Variants in FER observed in about 807,000 individuals in gnomAD.
The protein encoded by FER is FER tyrosine kinase.
FER carries 63 observed loss-of-function variants against 111.0 expected under a neutral mutation model. The observed-to-expected ratio is 0.57, with a 90% confidence interval of 0.46 to 0.70. FER has a LOEUF of 0.70. FER is among the 30% of genes least tolerant of loss of function. FER has a pLI of 0.00. For missense variants in FER, 914 were observed against 954.0 expected (o/e 0.96, Z 0.55); for synonymous variants, 327 against 313.9 (o/e 1.04, Z -0.44).
At chr5:108,788,209 C>G (rs556460381) in intron 2 of FER, among the ~76,000 whole-genome samples, 14 of 152,306 alleles carry the variant, frequency 9.2e-5, no homozygotes, top group African/African-American at 3.4e-4. Context: ...TGTTGTATGT[C>G]TGGTCCAACT....
At chr5:108,963,840 A>T (rs951695243) in intron 13 of FER, among the ~76,000 whole-genome samples, 2 of 152,210 alleles carry the variant, frequency 1.3e-5, no homozygotes, top group Non-Finnish European at 2.9e-5. Context: ...CTGCACTTTA[A>T]GCGCTGTTTA....
At chr5:108,946,302 ATGTG>A (rs111943459) in intron 11 of FER, 80 bp downstream of exon 11, 4 of 859,008 alleles carry the variant, frequency 4.7e-6, no homozygotes, top group Middle Eastern at 2.3e-4. Flanking sequence ...ATATATATAT[ATGTG>A]TGTGTGTGTG....
chr5:109,001,507 A>G (rs574575968), intron 13 of FER, among the ~76,000 whole-genome samples: 44 of 152,322 alleles, frequency 2.9e-4, no homozygotes, highest in African/African-American at 1.0e-3. Context: ...GCTATCTATG[A>G]CAAACCCACT....
intron 17 of FER, among the ~76,000 whole-genome samples, chr5:109,177,334 G>A (rs1757809377): frequency 6.6e-6 from 1 of 151,732 alleles, no homozygotes; most frequent in Non-Finnish European, 1.5e-5. Context: ...GAAACTCCAG[G>A]GCCTTAAAGA....
chr5:109,040,229 T>G (rs781737527), intron 14 of FER, among the ~76,000 whole-genome samples: 1 of 152,084 alleles, frequency 6.6e-6, no homozygotes, highest in Non-Finnish European at 1.5e-5. Context: ...AAAGTACAAA[T>G]CTGGTAGTTG....
chr5:109,004,626 A>G (rs1459767827), intron 13 of FER, among the ~76,000 whole-genome samples: 3 of 152,178 alleles, frequency 2.0e-5, no homozygotes, highest in African/African-American at 7.2e-5. Flanking sequence ...ATGACCACAA[A>G]TTTACCATAT....
At chr5:108,808,582 G>A (rs1757432987) in intron 3 of FER, among the ~76,000 whole-genome samples, 5 of 151,952 alleles carry the variant, frequency 3.3e-5, no homozygotes. Flanking sequence ...GGAGTAGTTA[G>A]ACAGTTTACA....
At chr5:108,770,962 A>C (rs1383672272) in intron 2 of FER, among the ~76,000 whole-genome samples, 1 of 150,784 alleles carries the variant, frequency 6.6e-6, no homozygotes, top group African/African-American at 2.4e-5. Flanking sequence ...TTTGAGATGG[A>C]GTCTCACTCT....
chr5:108,937,791 C>T (rs530828203), intron 10 of FER, among the ~76,000 whole-genome samples: 1 of 151,838 alleles, frequency 6.6e-6, no homozygotes, highest in African/African-American at 2.4e-5. Context: ...AGACCATCTG[C>T]TTTGGTGTAG....
At chr5:109,126,865 A>G (rs1212731546) in intron 17 of FER, among the ~76,000 whole-genome samples, 1 of 152,206 alleles carries the variant, frequency 6.6e-6, no homozygotes, top group Non-Finnish European at 1.5e-5. Flanking sequence ...GAAGTATAGG[A>G]AGTCAGGAAA....
intron 3 of FER, among the ~76,000 whole-genome samples, chr5:108,812,688 CTA>C (rs1238054182): frequency 3.9e-5 from 6 of 152,006 alleles, no homozygotes; most frequent in African/African-American, 2.4e-5. Context: ...TAAAATGTGA[CTA>C]TTTTTATCTC....
intron 13 of FER, among the ~76,000 whole-genome samples, chr5:108,962,412 A>G (rs1759265470): frequency 6.6e-6 from 1 of 152,218 alleles, no homozygotes; most frequent in South Asian, 2.1e-4. Flanking sequence ...GTATAAAATA[A>G]CACATCAAGC....
chr5:109,105,643 T>C (rs1209145409), intron 17 of FER, among the ~76,000 whole-genome samples: 1 of 152,198 alleles, frequency 6.6e-6, no homozygotes, highest in Non-Finnish European at 1.5e-5. Context: ...CCTAAACAAT[T>C]AGTGGCTGGG....
chr5:108,949,509 C>T (rs1757443721), intron 11 of FER, among the ~76,000 whole-genome samples: 1 of 151,978 alleles, frequency 6.6e-6, no homozygotes, highest in Non-Finnish European at 1.5e-5. Context: ...TGCAGTATTA[C>T]ATGTAATTTT....
chr5:108,856,084 A>C (rs1328903766), intron 5 of FER, among the ~76,000 whole-genome samples: 3 of 152,142 alleles, frequency 2.0e-5, no homozygotes, highest in African/African-American at 7.2e-5. Context: ...GTGAGAGAGG[A>C]TACATCTAGT....
chr5:108,977,912 C>G (rs1262995142), intron 13 of FER, among the ~76,000 whole-genome samples: 1 of 152,158 alleles, frequency 6.6e-6, no homozygotes, highest in Admixed American at 6.5e-5. Context: ...GTGGTACGAT[C>G]TTGGCTCACT....
intron 11 of FER, among the ~76,000 whole-genome samples, chr5:108,946,570 A>C (rs1038174261): frequency 6.6e-6 from 1 of 152,010 alleles, no homozygotes; most frequent in Non-Finnish European, 1.5e-5. Context: ...CTAGTGAAAC[A>C]TAACCTTTTT....
intron 9 of FER, among the ~76,000 whole-genome samples, chr5:108,890,942 T>A (rs1747948343): frequency 6.6e-6 from 1 of 152,094 alleles, no homozygotes; most frequent in South Asian, 2.1e-4. Flanking sequence ...GTATGGTAAT[T>A]GTATGTTTAG....
At chr5:108,969,085 TCAA>T (rs1049864441) in intron 13 of FER, among the ~76,000 whole-genome samples, 3 of 152,166 alleles carry the variant, frequency 2.0e-5, no homozygotes, top group Non-Finnish European at 2.9e-5. Context: ...GTATAAATTC[TCAA>T]CAACAACATG....
Sources: gnomAD v4.1 joint callset for allele counts (sites outside exome capture counted in the v4.1 genomes callset) on GRCh38, gnomAD v4.1.1 for gene constraint, MANE v1.5 for transcripts, NCBI Gene and HGNC (gene_info 2026-07-23, HGNC 2026-07-21) for gene names.